Variants in RAD51B observed in about 807,000 individuals in gnomAD.
RAD51B encodes the protein RAD51 paralog B, also known as DNA repair protein RAD51 homolog 2.
In RAD51B, 38 loss-of-function variants were observed where a neutral mutation model predicts 42.2. That is an observed-to-expected ratio of 0.90 (90% CI 0.70 to 1.18). RAD51B has a LOEUF of 1.18. RAD51B is among the 50% of genes most tolerant of loss of function. The probability of loss-of-function intolerance (pLI) is 0.00; values close to 1 mark genes in which losing one functional copy is unlikely to be tolerated. For synonymous variants in RAD51B, 154 were observed against 145.2 expected, an observed-to-expected ratio of 1.06 and a Z score of -0.43; for missense variants, 373 against 400.7, an observed-to-expected ratio of 0.93 and a Z score of 0.59.
At chr14:68,670,000 G>T (rs576402882) in intron 11 of RAD51B, among the ~76,000 whole-genome samples, 45 of 152,304 alleles carry the variant, frequency 3.0e-4, no homozygotes, top group Non-Finnish European at 4.7e-4. Context: ...GGAAGTCCCA[G>T]AATGAGTCAA....
At chr14:68,032,022 T>C (rs992336325) in intron 7 of RAD51B, among the ~76,000 whole-genome samples, 16 of 137,514 alleles carry the variant, frequency 1.2e-4, no homozygotes, top group African/African-American at 4.5e-4. Context: ...AGCATGGACT[T>C]TACAATCAGG....
chr14:68,035,331 T>G (rs913692589), intron 7 of RAD51B, among the ~76,000 whole-genome samples: 5 of 152,098 alleles, frequency 3.3e-5, no homozygotes, highest in African/African-American at 1.2e-4. Context: ...AAACATAAAC[T>G]GATAAAAGGA....
intron 7 of RAD51B, among the ~76,000 whole-genome samples, chr14:68,097,035 A>G (rs2077208318): frequency 6.6e-6 from 1 of 152,208 alleles, no homozygotes; most frequent in South Asian, 2.1e-4. Context: ...TATCACATGT[A>G]TACATCCATC....
intron 7 of RAD51B, among the ~76,000 whole-genome samples, chr14:68,050,380 T>G (rs2076372872): frequency 6.6e-6 from 1 of 152,212 alleles, no homozygotes; most frequent in Admixed American, 6.5e-5. Context: ...TTCTCCTGAC[T>G]CATCAATATA....
intron 7 of RAD51B, among the ~76,000 whole-genome samples, chr14:68,126,597 G>C (rs1566664867): frequency 6.6e-6 from 1 of 152,178 alleles, no homozygotes; most frequent in East Asian, 1.9e-4. Context: ...TGACTTACTT[G>C]ACAGCAGAGG....
At chr14:68,514,973 A>C (rs921581520) in intron 10 of RAD51B, among the ~76,000 whole-genome samples, 3 of 152,210 alleles carry the variant, frequency 2.0e-5, no homozygotes, top group African/African-American at 4.8e-5. Context: ...CCTGTCTTCT[A>C]CAAAGCAGGT....
At chr14:68,017,996 A>G (rs1428537393) in intron 7 of RAD51B, among the ~76,000 whole-genome samples, 2 of 152,004 alleles carry the variant, frequency 1.3e-5, no homozygotes, top group Non-Finnish European at 1.5e-5. Flanking sequence ...AAATAAATAA[A>G]TAAATTTTAA....
intron 8 of RAD51B, among the ~76,000 whole-genome samples, chr14:68,316,231 C>G (rs1275703930): frequency 6.6e-6 from 1 of 152,190 alleles, no homozygotes; most frequent in Admixed American, 6.5e-5. Context: ...TTCACCTACC[C>G]AAGGGAGTCT....
At chr14:67,919,267 G>A (rs765565972) in intron 7 of RAD51B, among the ~76,000 whole-genome samples, 3 of 152,178 alleles carry the variant, frequency 2.0e-5, no homozygotes, top group Non-Finnish European at 4.4e-5. Context: ...GTTTAGTACT[G>A]TAGGAAACCA....
chr14:68,407,214 T>C (rs1031477102), intron 8 of RAD51B, among the ~76,000 whole-genome samples: 1 of 152,114 alleles, frequency 6.6e-6, no homozygotes, highest in Non-Finnish European at 1.5e-5. Flanking sequence ...AATACATCAA[T>C]ATAGATATGA....
intron 8 of RAD51B, among the ~76,000 whole-genome samples, chr14:68,388,003 AT>A (rs958263170): frequency 4.1e-5 from 6 of 146,132 alleles, no homozygotes; most frequent in Non-Finnish European, 6.0e-5. Flanking sequence ...ACCAATTTCT[AT>A]TTTTTTCATG....
intron 11 of RAD51B, among the ~76,000 whole-genome samples, chr14:68,652,500 G>A (rs1411846449): frequency 6.6e-6 from 1 of 152,224 alleles, no homozygotes; most frequent in Non-Finnish European, 1.5e-5. Flanking sequence ...CAGAGGTGCA[G>A]CATCCTCTAG....
At chr14:68,463,121 G>A (rs2085885847) in intron 9 of RAD51B, among the ~76,000 whole-genome samples, 1 of 152,148 alleles carries the variant, frequency 6.6e-6, no homozygotes, top group Non-Finnish European at 1.5e-5. Flanking sequence ...CCAGATTTAT[G>A]GGATGGATGA....
intron 8 of RAD51B, among the ~76,000 whole-genome samples, chr14:68,344,807 C>G (rs1223497105): frequency 1.3e-5 from 2 of 149,958 alleles, no homozygotes; most frequent in African/African-American, 2.5e-5. Flanking sequence ...ACTAGCCAGG[C>G]ATGGTGGCGG....
chr14:68,336,471 T>C (rs1025700944), intron 8 of RAD51B, among the ~76,000 whole-genome samples: 3 of 152,212 alleles, frequency 2.0e-5, no homozygotes, highest in African/African-American at 7.2e-5. Flanking sequence ...ATGGGAGATG[T>C]GAAGCAATCT....
intron 7 of RAD51B, among the ~76,000 whole-genome samples, chr14:68,202,036 A>T (rs1203173591): frequency 6.6e-6 from 1 of 152,148 alleles, no homozygotes; most frequent in African/African-American, 2.4e-5. Context: ...TACTCACACA[A>T]TTTTTTTGGT....
At chr14:67,831,736 G>T (rs1480911197) in intron 3 of RAD51B, among the ~76,000 whole-genome samples, 3 of 151,900 alleles carry the variant, frequency 2.0e-5, no homozygotes, top group Admixed American at 6.6e-5. Context: ...TAGAGATGGG[G>T]TTTCTCCATG....
At chr14:68,290,602 A>C (rs1211202695) in intron 7 of RAD51B, among the ~76,000 whole-genome samples, 3 of 152,152 alleles carry the variant, frequency 2.0e-5, no homozygotes, top group African/African-American at 7.2e-5. Flanking sequence ...TTTGTGTCTT[A>C]AATACACAGT....
chr14:68,104,414 C>A (rs1465661043), intron 7 of RAD51B, among the ~76,000 whole-genome samples: 1 of 152,058 alleles, frequency 6.6e-6, no homozygotes, highest in African/African-American at 2.4e-5. Flanking sequence ...TCAAAAGTTT[C>A]TGAAGCCCTC....
Sources: gnomAD v4.1 joint callset for allele counts (sites outside exome capture counted in the v4.1 genomes callset) on GRCh38, gnomAD v4.1.1 for gene constraint, MANE v1.5 for transcripts, NCBI Gene and HGNC (gene_info 2026-07-23, HGNC 2026-07-21) for gene names.